The following TLN2 variants were observed in gnomAD, a reference collection of about 807,000 sequenced individuals.
The protein encoded by TLN2 is talin-2.
In TLN2, 118 loss-of-function variants were observed where a neutral mutation model predicts 294.7. That is an observed-to-expected ratio of 0.40 (90% CI 0.34 to 0.47). The LOEUF is 0.47. Ranked by LOEUF, TLN2 falls within the 20% of genes least tolerant of loss-of-function variation. The probability of loss-of-function intolerance (pLI) is 0.84; values close to 1 mark genes in which losing one functional copy is unlikely to be tolerated. For synonymous variants in TLN2, 1,431 were observed against 1,304.5 expected (o/e 1.10, Z -2.09); for missense variants, 3,083 against 3,282.2 (o/e 0.94, Z 1.48).
At chr15:62,748,563 C>T (rs1476391446) in intron 33 of TLN2, 119 bp downstream of exon 33, 1 of 821,516 alleles carries the variant, frequency 1.2e-6, no homozygotes, top group African/African-American at 1.7e-5. Context: ...GTTTTCTCTT[C>T]TCTGTCCTTG....
At chr15:62,448,101 A>G (rs2035920710) in intron 1 of TLN2, among the ~76,000 whole-genome samples, 1 of 152,190 alleles carries the variant, frequency 6.6e-6, no homozygotes, top group African/African-American at 2.4e-5. Context: ...TAGGAGACGA[A>G]CTTGGAGCAG....
At chr15:62,472,113 CCCCATGAGTCAGT>C (rs1365043875) in intron 1 of TLN2, among the ~76,000 whole-genome samples, 14 of 152,156 alleles carry the variant, frequency 9.2e-5, no homozygotes, top group African/African-American at 3.4e-4. Context: ...ATGCACCCAC[CCCCATGAGTCAGT>C]CCCAAGGACT....
intron 1 of TLN2, among the ~76,000 whole-genome samples, chr15:62,526,345 G>A (rs1396324205): frequency 1.3e-5 from 2 of 152,134 alleles, no homozygotes; most frequent in East Asian, 1.9e-4. Flanking sequence ...GGCCAGGCTG[G>A]TCATTATTTC....
chr15:62,522,413 G>A (rs1596005818), intron 1 of TLN2, among the ~76,000 whole-genome samples: 1 of 152,180 alleles, frequency 6.6e-6, no homozygotes, highest in African/African-American at 2.4e-5. Context: ...TTTGGCTGTG[G>A]TGGTCCATTC....
intron 1 of TLN2, among the ~76,000 whole-genome samples, chr15:62,535,466 G>GTA (rs946444030): frequency 1.6e-5 from 2 of 126,042 alleles, no homozygotes; most frequent in Non-Finnish European, 3.5e-5. Flanking sequence ...CTGTCTGTGT[G>GTA]TACACACACA....
intron 1 of TLN2, among the ~76,000 whole-genome samples, chr15:62,568,634 T>G (rs1363810576): frequency 6.6e-6 from 1 of 152,178 alleles, no homozygotes; most frequent in African/African-American, 2.4e-5. Flanking sequence ...CTGGGAATAG[T>G]GTGTTTCTTT....
rs781652394 is a variant in TLN2 at position 62,722,413 on chromosome 15, G to T, written c.3052G>T (p.Ala1018Ser). 7 of 1,613,152 alleles carry T rather than the reference G, an allele frequency of 4.3e-6. No homozygotes were observed. The African/African-American group carries it at 8.0e-5, about 18-fold the overall frequency. The part of the protein sequence containing the change: ...AAVPTVSDQA[A>S]AMQLSQCAKN... ...AGTGCCCACCGTGAGTGACCAGGCC[G>T]CAGCCATGCAGCTGAGCCAGTGTGC... Residue 1018 changes from alanine to serine, a missense_variant, in exon 26 of 59, where the codon GCA (alanine) becomes TCA (serine). Ala to Ser is a moderately conservative substitution (Grantham distance 99). Coordinates refer to ENST00000636159, the MANE Select transcript of TLN2 (RefSeq NM_015059.3).
rs748777715 is a variant in TLN2, at chr15:62,707,268, A to AC, written c.2172+19dup. ...CATGTGCCAAGGTAAGCCAGCTGGC[A>AC]CCCCAGCCCTTTCTACCCAGTATCA... On this transcript the variant is annotated intron_variant, in intron 20 of 58. Coordinates refer to ENST00000636159, the MANE Select transcript of TLN2 (RefSeq NM_015059.3). The AC allele has an allele frequency of 8.1e-6, 13 of 1,599,218 alleles. No homozygotes were observed. The highest frequency in any genetic ancestry group is 7.7e-6 in the Non-Finnish European group (9 of 1,169,834).
chr15:62,693,313 C>G (rs945155480), intron 13 of TLN2, among the ~76,000 whole-genome samples: 7 of 152,152 alleles, frequency 4.6e-5, no homozygotes, highest in Non-Finnish European at 7.4e-5. Flanking sequence ...GCCTGGGTGA[C>G]AGAGCGAGAT....
At chr15:62,514,790 T>C (rs190875234) in intron 1 of TLN2, among the ~76,000 whole-genome samples, 209 of 152,374 alleles carry the variant, frequency 1.4e-3, no homozygotes, top group African/African-American at 4.8e-3. Context: ...TTGGCATTGC[T>C]AATGAGAAGA....
chr15:62,749,273 G>GA (rs2061786626), intron 33 of TLN2, among the ~76,000 whole-genome samples: 1 of 152,250 alleles, frequency 6.6e-6, no homozygotes, highest in Non-Finnish European at 1.5e-5. Flanking sequence ...CTGGAAATGA[G>GA]AAGGGGATTG....
intron 2 of TLN2, among the ~76,000 whole-genome samples, chr15:62,595,968 G>T (rs1383630222): frequency 6.6e-6 from 1 of 152,166 alleles, no homozygotes; most frequent in Non-Finnish European, 1.5e-5. Flanking sequence ...GCACAGCATG[G>T]TGACTACAGT....
chr15:62,676,042 T>C (rs544878732), intron 11 of TLN2, among the ~76,000 whole-genome samples: 3 of 152,318 alleles, frequency 2.0e-5, no homozygotes, highest in South Asian at 2.1e-4. Flanking sequence ...CTCTAACTTA[T>C]AGTCAGTCTT....
At chr15:62,394,686 C>T (rs908338547) in intron 1 of TLN2, among the ~76,000 whole-genome samples, 1 of 152,152 alleles carries the variant, frequency 6.6e-6, no homozygotes, top group East Asian at 1.9e-4. Flanking sequence ...TCCTCAATAA[C>T]CTGGAGAAAG....
At chr15:62,646,465 T>C (rs77025072) in intron 3 of TLN2, among the ~76,000 whole-genome samples, 4,402 of 152,272 alleles carry the variant, frequency 0.029, 208 homozygotes, top group African/African-American at 0.098. Flanking sequence ...CCCAGCCACC[T>C]GTGTATTTTC....
In TLN2 at chr15:62,660,980, G is replaced by GT. The variant is rs148652280; in HGVS notation, c.788+3085dup. ...TAGACTATGGAGACTACTATGGATT[G>GT]TTTCTAAAAAGGTGGGAAGAGTATC... is the stretch of plus-strand genomic sequence containing the variant. On this transcript the variant is annotated intron_variant, in intron 9 of 58. Coordinates refer to ENST00000636159, the MANE Select transcript of TLN2 (RefSeq NM_015059.3). 7.2e-3 allele frequency among the ~76,000 whole-genome samples: 1,097 copies of GT among 152,278 alleles called. 18 individuals carry two copies. Among genetic ancestry groups the GT allele is most frequent in the African/African-American group, 0.025 (1,044 of 41,552 alleles).
At chr15:62,564,587 AT>A (rs1456327008) in intron 1 of TLN2, among the ~76,000 whole-genome samples, 1 of 151,994 alleles carries the variant, frequency 6.6e-6, no homozygotes, top group Non-Finnish European at 1.5e-5. Flanking sequence ...TCCTGTGTGC[AT>A]TACTTTTCCT....
chr15:62,601,222 A>AGATTGAGTGGGTAGAGGCCACAGATT (rs1443457201), intron 2 of TLN2, among the ~76,000 whole-genome samples: 1 of 152,142 alleles, frequency 6.6e-6, no homozygotes, highest in East Asian at 1.9e-4. Context: ...GATGCTACTG[A>AGATTGAGTGGGTAGAGGCCACAGATT]GATTGAGTGG....
chr15:62,755,587 G>C lies in TLN2; in HGVS notation c.4532G>C (p.Cys1511Ser), dbSNP rs375776823. The change falls in exon 37 of 59, where the codon TGC (cysteine) becomes TCC (serine). Residue 1511 changes from cysteine (C) to serine (S), a missense_variant. Coordinates refer to ENST00000636159, the MANE Select transcript of TLN2 (RefSeq NM_015059.3). The stretch of plus-strand genomic sequence containing the variant: ...CACACGTCAGCCTTGTGCAATGCCT[G>C]CCGCATCGCCTCATCCAAGACGGCC... ...AKHTSALCNACRIASSKTANP... is the reference protein window; with the variant it reads ...AKHTSALCNASRIASSKTANP... 6.2e-7 allele frequency: 1 copy of C among 1,614,200 alleles called. No homozygotes were observed. The highest frequency in any genetic ancestry group is 1.1e-5 in the South Asian group (1 of 91,084).
Sources: allele counts gnomAD v4.1 joint callset (sites outside exome capture counted in the v4.1 genomes callset), GRCh38; gene constraint gnomAD v4.1.1; transcripts MANE v1.5; gene names NCBI Gene and HGNC (gene_info 2026-07-23, HGNC 2026-07-21).